The following DUSP16 variants were observed in gnomAD, a reference collection of about 807,000 sequenced individuals.
DUSP16 encodes the protein dual specificity phosphatase 16.
A neutral mutation model predicts 58.3 loss-of-function variants in DUSP16; 21 were observed. The observed-to-expected ratio is 0.36, with a 90% CI of 0.26 to 0.52. The LOEUF is 0.52. DUSP16 is among the 20% of genes least tolerant of loss of function. DUSP16 has a pLI of 0.94. For missense variants in DUSP16, 726 were observed against 819.0 expected (o/e 0.89, Z 1.39); for synonymous variants, 320 against 323.8 (o/e 0.99, Z 0.12).
At position 12,473,571 on chromosome 12, in the gene DUSP16, C is replaced by CA. The variant is rs2136177584; in HGVS notation, c.*3261_*3262insT. On this transcript the variant is annotated 3_prime_UTR_variant, in exon 7 of 7. Transcript: ENST00000298573. ...AAGATAGCTCTTCTAGTCTAGCTCA[C>CA]CCGGCCCAATCTTTCTTATAAATTT... Among the ~76,000 whole-genome samples, 1 of 152,318 alleles carries CA rather than the reference C, an allele frequency of 6.6e-6. No homozygotes were observed. Among genetic ancestry groups the CA allele is most frequent in the South Asian group, 2.1e-4 (1 of 4,822 alleles).
At chr12:12,484,902 A>T (rs1054561554) in intron 5 of DUSP16, among the ~76,000 whole-genome samples, 1 of 147,412 alleles carries the variant, frequency 6.8e-6, no homozygotes, top group Non-Finnish European at 1.5e-5. Context: ...GTAAGCCACC[A>T]TGCCCAGCCA....
chr12:12,557,442 C>G (rs1265425199), intron 1 of DUSP16, among the ~76,000 whole-genome samples: 1 of 136,926 alleles, frequency 7.3e-6, no homozygotes, highest in Non-Finnish European at 1.5e-5. Context: ...GGCGACAGAG[C>G]AAGACTCCGT....
intron 5 of DUSP16, among the ~76,000 whole-genome samples, chr12:12,486,367 G>A (rs1432000401): frequency 6.6e-6 from 1 of 152,120 alleles, no homozygotes; most frequent in Admixed American, 6.6e-5. Context: ...TGCCTCAGCA[G>A]TAAGTACCCA....
At chr12:12,548,685 G>A (rs995362742) in intron 1 of DUSP16, among the ~76,000 whole-genome samples, 2 of 149,656 alleles carry the variant, frequency 1.3e-5, no homozygotes, top group Non-Finnish European at 3.0e-5. Context: ...GAAATATTTT[G>A]CAATAGATCT....
At chr12:12,496,530 C>T (rs1238712920) in intron 4 of DUSP16, among the ~76,000 whole-genome samples, 1 of 152,232 alleles carries the variant, frequency 6.6e-6, no homozygotes, top group African/African-American at 2.4e-5. Flanking sequence ...GGCAGCAGAG[C>T]TCCTTTAGAA....
intron 1 of DUSP16, among the ~76,000 whole-genome samples, chr12:12,535,455 C>T (rs1944451320): frequency 6.6e-6 from 1 of 152,022 alleles, no homozygotes; most frequent in South Asian, 2.1e-4. Context: ...GTTATTCTGT[C>T]ATTTTTACAC....
intron 1 of DUSP16, among the ~76,000 whole-genome samples, chr12:12,561,458 C>T (rs764199443): frequency 6.6e-6 from 1 of 152,198 alleles, no homozygotes; most frequent in Non-Finnish European, 1.5e-5. Flanking sequence ...CATGAAACTA[C>T]ACGTGATACA....
In DUSP16 at chr12:12,555,632, T is replaced by C. The variant is rs147578470; in HGVS notation, c.-366+6485A>G. Among the ~76,000 whole-genome samples the C allele has an allele frequency of 1.2e-4, 19 of 152,264 alleles. 1 individual carries two copies. The highest frequency in any genetic ancestry group is 3.4e-4 in the African/African-American group (14 of 41,560). On this transcript the variant is annotated intron_variant, in intron 1 of 6. Coordinates refer to ENST00000298573, the MANE Select transcript of DUSP16 (RefSeq NM_030640.3). ...GCAATTTGCCCCACCCCAACATACA[T>C]AGACATTAAAACAAACCTGAATTCT...
At chr12:12,526,725 C>T (rs1295046017) in intron 1 of DUSP16, among the ~76,000 whole-genome samples, 1 of 152,094 alleles carries the variant, frequency 6.6e-6, no homozygotes. Flanking sequence ...TTCAACTTCC[C>T]AAACATGATC....
At chr12:12,489,431 AAGAAC>A (rs1943731584) in intron 4 of DUSP16, among the ~76,000 whole-genome samples, 1 of 152,242 alleles carries the variant, frequency 6.6e-6, no homozygotes, top group Non-Finnish European at 1.5e-5. Context: ...TCACTCATGT[AAGAAC>A]AGAAGTGGGT....
chr12:12,491,364 G>A (rs1943759072), intron 4 of DUSP16: 1 of 151,982 alleles, frequency 6.6e-6, no homozygotes, highest in Non-Finnish European at 1.5e-5. Context: ...CTTATTGTTT[G>A]TAATGGTGAA....
At chr12:12,542,586 C>G (rs1236848400) in intron 1 of DUSP16, among the ~76,000 whole-genome samples, 4 of 151,798 alleles carry the variant, frequency 2.6e-5, no homozygotes, top group African/African-American at 9.7e-5. Flanking sequence ...TACCAAAAAC[C>G]ACTGCATTGC....
chr12:12,524,860 T>C (rs1010968517), intron 1 of DUSP16, among the ~76,000 whole-genome samples: 58 of 152,310 alleles, frequency 3.8e-4, no homozygotes, highest in Non-Finnish European at 3.4e-4. Context: ...GTTTATTGTG[T>C]CACTTATACA....
chr12:12,503,781 A>G lies in DUSP16; in HGVS notation c.368-3099T>C, dbSNP rs149849132. Among the ~76,000 whole-genome samples, 128 of 152,334 alleles carry G rather than the reference A, an allele frequency of 8.4e-4. No homozygotes were observed. The East Asian group carries it at 0.024, about 28-fold the overall frequency. ...ACTAAAGGTTCTAAAAAGTATTTTC[A>G]AAGAAACTGGTTTCATTTATTGAAG... On this transcript the variant is annotated intron_variant, in intron 3 of 6. Coordinates refer to ENST00000298573, the MANE Select transcript of DUSP16 (RefSeq NM_030640.3).
chr12:12,561,530 G>GCGT (rs1327058378), intron 1 of DUSP16, among the ~76,000 whole-genome samples: 1 of 152,190 alleles, frequency 6.6e-6, no homozygotes, highest in Non-Finnish European at 1.5e-5. Context: ...AAGTCACTAG[G>GCGT]CGTCGGGCCC....
At chr12:12,547,344 G>A (rs1373370431) in intron 1 of DUSP16, among the ~76,000 whole-genome samples, 2 of 151,256 alleles carry the variant, frequency 1.3e-5, no homozygotes, top group Non-Finnish European at 2.9e-5. Context: ...CAGGAGAATC[G>A]CTTGAACCCG....
intron 3 of DUSP16, among the ~76,000 whole-genome samples, chr12:12,517,333 C>T (rs1177729230): frequency 6.6e-6 from 1 of 152,190 alleles, no homozygotes; most frequent in African/African-American, 2.4e-5. Flanking sequence ...GTCACAGGGG[C>T]AGTTTGTAGT....
chr12:12,521,331 C>A lies in DUSP16; in HGVS notation c.-233G>T. The A allele has an allele frequency of 1.4e-6, 2 of 1,399,122 alleles. No individual in the cohort carries two copies. Among genetic ancestry groups the A allele is most frequent in the African/African-American group, 1.4e-5 (1 of 69,068 alleles). The allele number at this position is 1,399,122 out of a possible 1,614,324, so 86.7% of individuals were successfully genotyped here. ...AAAGGACTCCGTCCACAAAGCAGCC[C>A]CTCACATTTGATTCATAAAGAGATG... On this transcript the variant is annotated 5_prime_UTR_variant, in exon 2 of 7. Coordinates refer to ENST00000298573, the MANE Select transcript of DUSP16 (RefSeq NM_030640.3).
intron 1 of DUSP16, among the ~76,000 whole-genome samples, chr12:12,555,872 T>C (rs896832418): frequency 2.0e-5 from 3 of 151,966 alleles, no homozygotes; most frequent in African/African-American, 7.3e-5. Context: ...CAAGACCCTG[T>C]CTCTACACAA....
Sources: allele counts gnomAD v4.1 joint callset (sites outside exome capture counted in the v4.1 genomes callset), GRCh38; gene constraint gnomAD v4.1.1; transcripts MANE v1.5; gene names NCBI Gene and HGNC (gene_info 2026-07-23, HGNC 2026-07-21).